ETFA: variants seen among roughly 807,000 people sequenced by gnomAD.
The protein encoded by ETFA is electron transfer flavoprotein subunit alpha.
Under a neutral mutation model 46.2 loss-of-function variants are expected in ETFA, and 22 were observed. That is an observed-to-expected ratio of 0.48 (90% CI 0.34 to 0.68). ETFA has a LOEUF of 0.68. Among genes scored for constraint, ETFA ranks in the 30% least tolerant of loss-of-function variants. ETFA has a pLI of 0.01. For missense variants in ETFA, 345 were observed against 401.1 expected, an observed-to-expected ratio of 0.86 and a Z score of 1.19; for synonymous variants, 131 against 139.9, an observed-to-expected ratio of 0.94 and a Z score of 0.45.
intron 9 of ETFA, among the ~76,000 whole-genome samples, chr15:76,234,154 T>C (rs2039098818): frequency 6.6e-6 from 1 of 152,128 alleles, no homozygotes; most frequent in African/African-American, 2.4e-5. Context: ...CAGGACTTTA[T>C]TTTACTGTCT....
chr15:76,279,337 A>C (rs914919946), intron 8 of ETFA, among the ~76,000 whole-genome samples: 1 of 152,048 alleles, frequency 6.6e-6, no homozygotes, highest in East Asian at 1.9e-4. Context: ...GTGCAGTGGC[A>C]TAATTACAGC....
At position 76,225,542 on chromosome 15, in the gene ETFA, G is replaced by A. The variant is rs376923589; in HGVS notation, c.963+307C>T. Among the ~76,000 whole-genome samples the A allele has an allele frequency of 1.1e-3, 168 of 152,202 alleles. 1 individual carries two copies. Among genetic ancestry groups the A allele is most frequent in the African/African-American group, 3.9e-3 (162 of 41,504 alleles). On this transcript the variant is annotated intron_variant, in intron 11 of 11. Transcript: ENST00000557943. ...CTGACCTCATGATCCGCCCGCCTCCGCCTCCCAAAGTGCTGGGATTACAGG... is the reference window on the plus strand; with the variant it reads ...CTGACCTCATGATCCGCCCGCCTCCACCTCCCAAAGTGCTGGGATTACAGG...
At chr15:76,226,581 T>A (rs1042280139) in intron 10 of ETFA, among the ~76,000 whole-genome samples, 1 of 142,654 alleles carries the variant, frequency 7.0e-6, no homozygotes, top group African/African-American at 2.6e-5. Flanking sequence ...TCAACAAAAA[T>A]AAAAATAAAT....
At chr15:76,221,605 C>T (rs914632062) in intron 11 of ETFA, among the ~76,000 whole-genome samples, 3 of 152,182 alleles carry the variant, frequency 2.0e-5, no homozygotes, top group African/African-American at 7.2e-5. Context: ...ACAGAACAGG[C>T]AGGCTAATAT....
chr15:76,216,546 G>C lies in ETFA; in HGVS notation c.*13C>G. 6.6e-7 allele frequency: 1 copy of C among 1,521,122 alleles called. No individual in the cohort carries two copies. The allele number at this position is 1,521,122 out of a possible 1,614,324, so 94.2% of individuals were successfully genotyped here. On this transcript the variant is annotated 3_prime_UTR_variant, in exon 12 of 12. Transcript: ENST00000557943. Reference sequence around the variant, plus strand: ...CTTTAACAAAAGTTTTCTTTTTAAGGCATGATCCTGATTCATTTTTTCTTC... The same window carrying C: ...CTTTAACAAAAGTTTTCTTTTTAAGCCATGATCCTGATTCATTTTTTCTTC...
At chr15:76,294,157 G>T (rs905764848) in intron 2 of ETFA, among the ~76,000 whole-genome samples, 1 of 152,126 alleles carries the variant, frequency 6.6e-6, no homozygotes, top group Non-Finnish European at 1.5e-5. Flanking sequence ...TACAGAAGAC[G>T]ATTTCTATTT....
At chr15:76,266,034 A>G (rs2141503514) in intron 9 of ETFA, among the ~76,000 whole-genome samples, 1 of 152,334 alleles carries the variant, frequency 6.6e-6, no homozygotes, top group South Asian at 2.1e-4. Context: ...TGCAAAAGGG[A>G]CATACAGAGC....
rs371972011 is a variant in ETFA, at chr15:76,254,720, T to C, written c.816+19692A>G. Among the ~76,000 whole-genome samples, 22 of 152,318 alleles carry C rather than the reference T, an allele frequency of 1.4e-4. No individual in the cohort carries two copies. The East Asian group carries it at 1.7e-3, about 12-fold the overall frequency. ...AAGAAACCATCACTCTGATGGCTAA[T>C]AGAATGTATGCATCTGTATTTTTAT... On this transcript the variant is annotated intron_variant, in intron 9 of 11. Coordinates refer to ENST00000557943, the MANE Select transcript of ETFA (RefSeq NM_000126.4).
At position 76,292,436 on chromosome 15, in the gene ETFA, C is replaced by T. The variant is rs119458971; in HGVS notation, c.346G>A (p.Gly116Arg). ...THICAGASAF[G>R]KNLLPRVAAK... Reference sequence around the variant, plus strand: ...CACATTCTCAACCTTCTCACCTTTCCGAAGGCAGATGCTCCAGCACAGATG... The same window carrying T: ...CACATTCTCAACCTTCTCACCTTTCTGAAGGCAGATGCTCCAGCACAGATG... Residue 116 changes from glycine (G) to arginine (R), a missense_variant, in exon 4 of 12, where the codon GGA (glycine) becomes AGA (arginine). Transcript: ENST00000557943. 12 of 1,611,362 alleles carry T rather than the reference C, an allele frequency of 7.4e-6. No individual in the cohort carries two copies. Among genetic ancestry groups the T allele is most frequent in the African/African-American group, 4.0e-5 (3 of 74,890 alleles).
chr15:76,288,962 A>G (rs1271173965), intron 4 of ETFA, among the ~76,000 whole-genome samples: 2 of 113,560 alleles, frequency 1.8e-5, no homozygotes, highest in Admixed American at 1.3e-4. Context: ...TCTGTTACCC[A>G]GGCTGAACTT....
At chr15:76,225,440 C>T (rs1487031630) in intron 11 of ETFA, among the ~76,000 whole-genome samples, 1 of 152,078 alleles carries the variant, frequency 6.6e-6, no homozygotes, top group Non-Finnish European at 1.5e-5. Context: ...AGGCGCCTGC[C>T]ACCACGCCCA....
At chr15:76,258,558 C>T (rs1427038065) in intron 9 of ETFA, among the ~76,000 whole-genome samples, 1 of 152,200 alleles carries the variant, frequency 6.6e-6, no homozygotes, top group Non-Finnish European at 1.5e-5. Flanking sequence ...ATTTAAACCC[C>T]GAGGGTGGTA....
intron 1 of ETFA, among the ~76,000 whole-genome samples, chr15:76,307,333 C>T (rs1430560044): frequency 6.6e-6 from 1 of 152,040 alleles, no homozygotes; most frequent in African/African-American, 2.4e-5. Context: ...CTTTAAAGAC[C>T]ATTGCCACAC....
At position 76,235,516 on chromosome 15, in the gene ETFA, A is replaced by G. The variant is rs147870584; in HGVS notation, c.817-4118T>C. ...AATCCCCTGTGGTACAAATATTCTA[A>G]CTGTCTAAGTGTACCATAATAGGAA... On this transcript the variant is annotated intron_variant, in intron 9 of 11. Coordinates refer to ENST00000557943, the MANE Select transcript of ETFA (RefSeq NM_000126.4). Among the ~76,000 whole-genome samples the G allele has an allele frequency of 4.8e-3, 726 of 152,348 alleles. 4 individuals are homozygous for G. The highest frequency in any genetic ancestry group is 0.017 in the African/African-American group (708 of 41,590).
At chr15:76,231,539 T>G (rs2039066333) in intron 9 of ETFA, 141 bp from the exon 10 acceptor site, 1 of 577,478 alleles carries the variant, frequency 1.7e-6, no homozygotes, top group African/African-American at 2.0e-5. Context: ...AAATTATGCT[T>G]TTCTTTTTCT....
chr15:76,238,468 C>CA (rs562628634), intron 9 of ETFA, among the ~76,000 whole-genome samples: 2 of 152,024 alleles, frequency 1.3e-5, no homozygotes, highest in East Asian at 3.9e-4. Context: ...GTTATGTGCT[C>CA]AAAAAAACAA....
At chr15:76,223,710 G>A (rs536935310) in intron 11 of ETFA, among the ~76,000 whole-genome samples, 8 of 152,282 alleles carry the variant, frequency 5.3e-5, no homozygotes, top group Admixed American at 2.0e-4. Flanking sequence ...TTAAGGCCTC[G>A]TTCCACTTCA....
intron 11 of ETFA, among the ~76,000 whole-genome samples, chr15:76,225,284 TTTTTG>T (rs1016813305): frequency 4.6e-5 from 7 of 152,108 alleles, no homozygotes; most frequent in Non-Finnish European, 8.8e-5. Flanking sequence ...ATGTGGGTTT[TTTTTG>T]TTTTGTTTTG....
At chr15:76,231,080 C>T (rs1172595345) in intron 10 of ETFA, 1 of 460,556 alleles carries the variant, frequency 2.2e-6, no homozygotes, top group Non-Finnish European at 3.9e-6. Context: ...AGTTTGCAGA[C>T]AGCACTCATC....
Sources: gnomAD v4.1 joint callset for allele counts (sites outside exome capture counted in the v4.1 genomes callset) on GRCh38, gnomAD v4.1.1 for gene constraint, MANE v1.5 for transcripts, NCBI Gene and HGNC (gene_info 2026-07-23, HGNC 2026-07-21) for gene names.